OPTN: variants seen among roughly 807,000 people sequenced by gnomAD.
OPTN encodes the protein E3-14.7K-interacting protein.
Under a neutral mutation model 70.4 loss-of-function variants are expected in OPTN, and 54 were observed. The observed-to-expected ratio is 0.77, with a 90% CI of 0.62 to 0.96. OPTN has a LOEUF of 0.96. OPTN is among the 40% of genes least tolerant of loss of function. OPTN has a pLI of 0.00. For synonymous variants in OPTN, 256 were observed against 248.5 expected (o/e 1.03, Z -0.28); for missense variants, 624 against 673.2 (o/e 0.93, Z 0.81).
Position 13,116,334 on chromosome 10 carries a change from C to A in OPTN, c.620C>A (p.Thr207Asn). 6.2e-7 allele frequency: 1 copy of A among 1,612,374 alleles called. No homozygotes were observed. The highest frequency in any genetic ancestry group is 8.5e-7 in the Non-Finnish European group (1 of 1,178,458). ...CCTGGGCCCACGAGAACAGTCTCCA[C>A]TGGCACGTATGTGAAGGAAGACTCG... ...HSPGPTRTVS[T>N]GTALSKYRSR... The change falls in exon 6 of 15, where the codon ACT becomes AAT. Residue 207 changes from threonine (T) to asparagine (N), a missense_variant. Thr to Asn is a moderately conservative substitution (Grantham distance 65). Transcript: ENST00000378747.
chr10:13,107,172 C>T (rs1267985182), intron 1 of OPTN, among the ~76,000 whole-genome samples: 2 of 151,930 alleles, frequency 1.3e-5, no homozygotes, highest in Admixed American at 6.6e-5. Context: ...GTCAGGAGTT[C>T]GAGACCGGCC....
chr10:13,114,806 A>ATAAT (rs1564358820), intron 5 of OPTN, among the ~76,000 whole-genome samples: 2,387 of 19,642 alleles, frequency 0.12, 251 homozygotes, highest in East Asian at 0.19. Context: ...ATATATACAT[A>ATAAT]TATATAATTA....
chr10:13,133,451 T>C (rs1212868887), intron 13 of OPTN, 51 bp from the exon 14 acceptor site: 1 of 1,486,666 alleles, frequency 6.7e-7, no homozygotes, highest in Admixed American at 1.7e-5. Context: ...AGTGTTGTCA[T>C]GTTTCGGGGT....
intron 5 of OPTN, among the ~76,000 whole-genome samples, chr10:13,113,948 C>T (rs149477488): frequency 6.6e-6 from 1 of 152,058 alleles, no homozygotes; most frequent in East Asian, 1.9e-4. Flanking sequence ...ACCTGTACTC[C>T]CAGCTACTCA....
At chr10:13,100,578 A>G (rs914099476) in intron 1 of OPTN, among the ~76,000 whole-genome samples, 4 of 152,116 alleles carry the variant, frequency 2.6e-5, no homozygotes, top group African/African-American at 9.7e-5. Context: ...GCCGCAGGTA[A>G]CCCCTCTACA....
chr10:13,114,576 A>C (rs1833080180), intron 5 of OPTN, among the ~76,000 whole-genome samples: 1 of 151,038 alleles, frequency 6.6e-6, no homozygotes, highest in Non-Finnish European at 1.5e-5. Context: ...TGTGAACTGG[A>C]AAGCACTGCC....
intron 1 of OPTN, among the ~76,000 whole-genome samples, chr10:13,102,521 G>C (rs1832772411): frequency 6.6e-6 from 1 of 152,202 alleles, no homozygotes; most frequent in Non-Finnish European, 1.5e-5. Flanking sequence ...TCTCAGTCCT[G>C]GGGATACAGC....
At position 13,133,454 on chromosome 10, in the gene OPTN, T is replaced by C. The variant is rs1182535430; in HGVS notation, c.1533-48T>C. The C allele has an allele frequency of 2.0e-6, 3 of 1,513,376 alleles. No homozygotes were observed. In the South Asian group the frequency reaches 3.4e-5, roughly 17 times the overall value. The allele number at this position is 1,513,376 out of a possible 1,614,324, so 93.7% of individuals were successfully genotyped here. On this transcript the variant is annotated intron_variant, in intron 13 of 14. Transcript: ENST00000378747. Reference sequence around the variant, plus strand: ...GACTGTCTGCTCAGTGTTGTCATGTTTCGGGGTTGTAGAACATCACACAGC... The same window carrying C: ...GACTGTCTGCTCAGTGTTGTCATGTCTCGGGGTTGTAGAACATCACACAGC...
chr10:13,109,061 C>G, intron 2 of OPTN, 51 bp from the exon 3 acceptor site: 2 of 1,570,424 alleles, frequency 1.3e-6, no homozygotes, highest in South Asian at 1.1e-5. Flanking sequence ...TCCCGGGGAC[C>G]CCTTGTGGGG....
Position 13,125,935 on chromosome 10 carries a change from T to G in OPTN, c.1149-11T>G. On this transcript the variant is annotated splice_polypyrimidine_tract_variant and intron_variant, in intron 10 of 14. Transcript: ENST00000378747. ...CCCCAGGATTCCATTTTTTAATATC[T>G]TTTTTAATAGGTCCAAATTAACTGT... 1 of 1,586,364 alleles carries G rather than the reference T, an allele frequency of 6.3e-7. No individual in the cohort carries two copies. Among genetic ancestry groups the G allele is most frequent in the East Asian group, 2.2e-5 (1 of 44,698 alleles).
upstream of OPTN, chr10:13,100,101 T>TA (rs1832704556): frequency 6.6e-6 from 1 of 152,396 alleles, no homozygotes; most frequent in South Asian, 2.0e-4. Context: ...AGGGAGCGGC[T>TA]GGCTGTCAGC....
intron 9 of OPTN, 76 bp downstream of exon 9, chr10:13,124,186 GT>G (rs1463691354): frequency 4.8e-6 from 4 of 825,832 alleles, no homozygotes; most frequent in South Asian, 1.5e-5. Context: ...TAAAAACATA[GT>G]TTTTTAACTA....
chr10:13,131,517 G>C (rs1193237397), intron 12 of OPTN: 1 of 153,880 alleles, frequency 6.5e-6, no homozygotes, highest in Admixed American at 6.4e-5. Context: ...CCAAGATTAA[G>C]AGCCGTTAAG....
At chr10:13,133,895 A>C (rs1395403772) in intron 14 of OPTN, among the ~76,000 whole-genome samples, 1 of 151,636 alleles carries the variant, frequency 6.6e-6, no homozygotes, top group South Asian at 2.1e-4. Flanking sequence ...TGCAACCTCC[A>C]CTTCCTGTGT....
chr10:13,132,906 T>C (rs1040188592), intron 13 of OPTN, among the ~76,000 whole-genome samples: 2 of 152,186 alleles, frequency 1.3e-5, no homozygotes, highest in Non-Finnish European at 2.9e-5. Context: ...TTTTATTTGC[T>C]TCAAGTATTT....
At chr10:13,103,382 C>T (rs897609160) in intron 1 of OPTN, among the ~76,000 whole-genome samples, 1 of 152,216 alleles carries the variant, frequency 6.6e-6, no homozygotes, top group East Asian at 1.9e-4. Context: ...AATTTGAAGA[C>T]TTGGCCATAC....
intron 8 of OPTN, chr10:13,123,286 T>C (rs1338810206): frequency 6.5e-6 from 1 of 152,764 alleles, no homozygotes; most frequent in African/African-American, 2.4e-5. Flanking sequence ...CGGAAGTTAA[T>C]GAAGCCGTGA....
chr10:13,126,073 G>A (rs1040209697), intron 11 of OPTN, 34 bp downstream of exon 11: 2 of 1,232,360 alleles, frequency 1.6e-6, no homozygotes, highest in Non-Finnish European at 2.4e-6. Context: ...CCATAGCCTA[G>A]TAATGAACAG....
intron 12 of OPTN, among the ~76,000 whole-genome samples, chr10:13,130,684 T>TA (rs1387014595): frequency 6.6e-6 from 1 of 152,054 alleles, no homozygotes; most frequent in Non-Finnish European, 1.5e-5. Context: ...ATAGTTTTGA[T>TA]AGAATATTTA....
Sources: gnomAD v4.1 joint callset for allele counts (sites outside exome capture counted in the v4.1 genomes callset) on GRCh38, gnomAD v4.1.1 for gene constraint, MANE v1.5 for transcripts, NCBI Gene and HGNC (gene_info 2026-07-23, HGNC 2026-07-21) for gene names.